Variants in ERC2 observed in about 807,000 individuals in gnomAD.
ERC2 encodes the protein ELKS/RAB6-interacting/CAST family member 2.
A neutral mutation model predicts 114.8 loss-of-function variants in ERC2; 42 were observed. That is an observed-to-expected ratio of 0.37 (90% CI 0.29 to 0.47). ERC2 has a LOEUF of 0.47. ERC2 is among the 20% of genes least tolerant of loss of function. ERC2 has a pLI of 0.99. For missense variants in ERC2, 939 were observed against 1,150.7 expected (o/e 0.82, Z 2.66); for synonymous variants, 454 against 425.5 (o/e 1.07, Z -0.82).
At chr3:55,946,531 C>G (rs1171299995) in intron 13 of ERC2, among the ~76,000 whole-genome samples, 1 of 152,178 alleles carries the variant, frequency 6.6e-6, no homozygotes, top group Admixed American at 6.5e-5. Flanking sequence ...GGAGAAAACT[C>G]TAGTAACTGA....
At chr3:56,385,141 C>T (rs749260561) in intron 2 of ERC2, among the ~76,000 whole-genome samples, 8 of 152,034 alleles carry the variant, frequency 5.3e-5, no homozygotes, top group Admixed American at 2.6e-4. Context: ...ATACCATAAA[C>T]TAGGTAGATT....
intron 14 of ERC2, among the ~76,000 whole-genome samples, chr3:55,803,553 AT>A (rs1043213932): frequency 9.2e-4 from 138 of 149,218 alleles, no homozygotes; most frequent in African/African-American, 3.2e-3. Flanking sequence ...TAAAGGCATC[AT>A]TTTTTTTTCA....
At chr3:55,832,448 A>G (rs941613057) in intron 14 of ERC2, among the ~76,000 whole-genome samples, 2 of 152,224 alleles carry the variant, frequency 1.3e-5, no homozygotes, top group Admixed American at 6.5e-5. Flanking sequence ...TTCACGGTTC[A>G]CGAAAATCCG....
At chr3:56,281,008 T>C (rs2054301528) in intron 3 of ERC2, among the ~76,000 whole-genome samples, 1 of 152,226 alleles carries the variant, frequency 6.6e-6, no homozygotes, top group South Asian at 2.1e-4. Context: ...GAACAGCTTA[T>C]ACACAACCCA....
Position 55,734,864 on chromosome 3 carries a change from C to G in ERC2, c.2619G>C (p.Leu873=). Reference sequence around the variant, plus strand: ...TTTTCTTTTTGGAGGCAGACAATTCCAGCAAGGCAATGTTTGCATCTTTTT... The same window carrying G: ...TTTTCTTTTTGGAGGCAGACAATTCGAGCAAGGCAATGTTTGCATCTTTTT... ...ISEKDANIAL[L]ELSASKKKKT... Residue 873 remains leucine (L), a synonymous_variant, in exon 15 of 18, where the codon CTG becomes CTC. Coordinates refer to ENST00000288221, the MANE Select transcript of ERC2 (RefSeq NM_015576.3). The G allele has an allele frequency of 6.2e-7, 1 of 1,612,082 alleles. No homozygotes were observed. The highest frequency in any genetic ancestry group is 8.5e-7 in the Non-Finnish European group (1 of 1,179,068).
At chr3:55,930,833 G>A (rs962958377) in intron 13 of ERC2, among the ~76,000 whole-genome samples, 2 of 151,924 alleles carry the variant, frequency 1.3e-5, no homozygotes, top group African/African-American at 2.4e-5. Flanking sequence ...CAGAATGGGA[G>A]AAAATTTTTG....
intron 14 of ERC2, among the ~76,000 whole-genome samples, chr3:55,871,696 A>G (rs1010629948): frequency 2.6e-5 from 4 of 152,228 alleles, no homozygotes; most frequent in Non-Finnish European, 5.9e-5. Flanking sequence ...ATCAAGACTT[A>G]AGCAAAATCC....
At chr3:56,218,656 T>A (rs1476225770) in intron 3 of ERC2, among the ~76,000 whole-genome samples, 1 of 152,192 alleles carries the variant, frequency 6.6e-6, no homozygotes. Context: ...ACCTAAAGGA[T>A]TATAAATCAT....
At chr3:55,692,901 C>T (rs1220026020) in intron 16 of ERC2, among the ~76,000 whole-genome samples, 2 of 152,134 alleles carry the variant, frequency 1.3e-5, no homozygotes, top group African/African-American at 4.8e-5. Flanking sequence ...GAAGAGAAGG[C>T]CAAATCTAGG....
intron 2 of ERC2, among the ~76,000 whole-genome samples, chr3:56,386,100 C>A (rs1323591398): frequency 6.6e-6 from 1 of 152,108 alleles, no homozygotes; most frequent in Non-Finnish European, 1.5e-5. Flanking sequence ...AATTACCTCT[C>A]AAGAGTAAAT....
chr3:55,743,374 C>G (rs1474071704), intron 14 of ERC2, among the ~76,000 whole-genome samples: 1 of 95,952 alleles, frequency 1.0e-5, no homozygotes, highest in Non-Finnish European at 2.0e-5. Flanking sequence ...TGCTACAAAT[C>G]AGTAAGTCTG....
At chr3:56,032,981 A>C (rs13085040) in intron 7 of ERC2, among the ~76,000 whole-genome samples, 7 of 62,404 alleles carry the variant, frequency 1.1e-4, no homozygotes, top group African/African-American at 1.8e-4. Flanking sequence ...AAGAAAGAGA[A>C]AGAAAGAAAG....
intron 17 of ERC2, among the ~76,000 whole-genome samples, chr3:55,614,942 A>G (rs1392322347): frequency 1.3e-5 from 2 of 152,266 alleles, no homozygotes; most frequent in African/African-American, 4.8e-5. Flanking sequence ...ATTTTCTCTC[A>G]AAAACAACCT....
intron 2 of ERC2, among the ~76,000 whole-genome samples, chr3:56,413,666 C>G (rs534049398): frequency 2.0e-5 from 3 of 152,192 alleles, no homozygotes; most frequent in African/African-American, 7.2e-5. Flanking sequence ...ATTTATATTA[C>G]CTTCTGATGG....
chr3:55,678,141 C>A (rs2061899185), intron 17 of ERC2, among the ~76,000 whole-genome samples: 1 of 152,004 alleles, frequency 6.6e-6, no homozygotes, highest in African/African-American at 2.4e-5. Context: ...AGAGATAAAG[C>A]AAAAACATCT....
chr3:55,593,962 C>T (rs2058021617), intron 17 of ERC2, among the ~76,000 whole-genome samples: 3 of 152,098 alleles, frequency 2.0e-5, no homozygotes, highest in Admixed American at 2.0e-4. Flanking sequence ...CAGCATTGAC[C>T]CTTCAGTGCC....
intron 12 of ERC2, among the ~76,000 whole-genome samples, chr3:55,960,372 G>A (rs1409569583): frequency 6.6e-6 from 1 of 152,114 alleles, no homozygotes; most frequent in African/African-American, 2.4e-5. Context: ...TATAGGCACA[G>A]GCTATTTTCC....
intron 13 of ERC2, among the ~76,000 whole-genome samples, chr3:55,942,263 T>C (rs1283844138): frequency 1.0e-5 from 1 of 98,120 alleles, no homozygotes; most frequent in Non-Finnish European, 2.0e-5. Context: ...TCTAAGGTCC[T>C]TTCTTTTTTT....
intron 12 of ERC2, among the ~76,000 whole-genome samples, chr3:55,963,286 T>C (rs1461924630): frequency 6.6e-6 from 1 of 152,242 alleles, no homozygotes; most frequent in Non-Finnish European, 1.5e-5. Flanking sequence ...GAAATTTGTA[T>C]TGTATTTCAC....
Sources: allele counts gnomAD v4.1 joint callset (sites outside exome capture counted in the v4.1 genomes callset), GRCh38; gene constraint gnomAD v4.1.1; transcripts MANE v1.5; gene names NCBI Gene and HGNC (gene_info 2026-07-23, HGNC 2026-07-21).